Variants in DNMBP observed in about 807,000 individuals in gnomAD.
DNMBP encodes dynamin binding protein.
DNMBP carries 87 observed loss-of-function variants against 150.0 expected under a neutral mutation model. The ratio of observed to expected loss-of-function variants is 0.58; its 90% CI spans 0.49 to 0.69. The LOEUF is 0.69. DNMBP is among the 30% of genes least tolerant of loss of function. The pLI is 0.00. For synonymous variants in DNMBP, 711 were observed against 750.4 expected, an observed-to-expected ratio of 0.95 and a Z score of 0.86; for missense variants, 1,774 against 1,949.0, an observed-to-expected ratio of 0.91 and a Z score of 1.69.
intron 4 of DNMBP, among the ~76,000 whole-genome samples, chr10:99,927,457 C>T (rs1250049997): frequency 6.6e-6 from 1 of 152,076 alleles, no homozygotes; most frequent in Non-Finnish European, 1.5e-5. Flanking sequence ...ATTGAGAATC[C>T]GAAGCTCCAA....
chr10:99,920,943 G>A (rs1482490961), intron 4 of DNMBP, among the ~76,000 whole-genome samples: 1 of 152,124 alleles, frequency 6.6e-6, no homozygotes, highest in African/African-American at 2.4e-5. Flanking sequence ...GCCTCCCAAA[G>A]TGCTAGGATT....
chr10:99,918,700 G>A (rs1272171644), intron 4 of DNMBP, among the ~76,000 whole-genome samples: 1 of 151,664 alleles, frequency 6.6e-6, no homozygotes, highest in East Asian at 1.9e-4. Flanking sequence ...CCGAGTAGCT[G>A]GGATTACAGG....
chr10:99,974,342 C>T (rs1240292611), intron 1 of DNMBP, among the ~76,000 whole-genome samples: 4 of 152,078 alleles, frequency 2.6e-5, no homozygotes, highest in Non-Finnish European at 5.9e-5. Context: ...ATGCATGTGG[C>T]TGGGGAACCT....
chr10:99,923,675 T>C (rs900089398), intron 4 of DNMBP, among the ~76,000 whole-genome samples: 9 of 152,140 alleles, frequency 5.9e-5, no homozygotes, highest in Non-Finnish European at 1.2e-4. Context: ...TCTAGTTCTT[T>C]CCTCCACTGT....
Position 99,876,852 on chromosome 10 carries a change from G to T in DNMBP, c.*299C>A. 1 of 290,108 alleles carries T rather than the reference G, an allele frequency of 3.4e-6. No homozygotes were observed. The highest frequency in any genetic ancestry group is 7.1e-5 in the East Asian group (1 of 14,146). The allele number at this position is 290,108 out of a possible 1,614,324, so 18.0% of individuals were successfully genotyped here. On this transcript the variant is annotated 3_prime_UTR_variant, in exon 17 of 17. Transcript: ENST00000324109. ...GCTTCCTGCATACATAGGACACTGG[G>T]CTTCTGACTGCAAGTTTCTCCTTTC... is the stretch of plus-strand genomic sequence containing the variant.
chr10:100,007,383 A>C (rs7088642), intron 1 of DNMBP, among the ~76,000 whole-genome samples: 27,442 of 152,010 alleles, frequency 0.18, 3,424 homozygotes, highest in African/African-American at 0.34. Context: ...AAGTGCTACC[A>C]CGACCCCGGC....
At chr10:99,995,215 G>A (rs372660529) in intron 1 of DNMBP, among the ~76,000 whole-genome samples, 2 of 152,042 alleles carry the variant, frequency 1.3e-5, no homozygotes, top group African/African-American at 4.8e-5. Context: ...ATCACGCTCA[G>A]CTAATTTTTG....
At chr10:99,890,392 T>A (rs1215040005) in intron 11 of DNMBP, among the ~76,000 whole-genome samples, 1 of 152,234 alleles carries the variant, frequency 6.6e-6, no homozygotes, top group East Asian at 1.9e-4. Flanking sequence ...TTTCTCTCAA[T>A]TTCTGTCAGC....
Position 99,969,145 on chromosome 10 carries a change from G to A in DNMBP, c.238C>T (p.Gln80Ter), listed in dbSNP as rs763031370. 6.2e-7 allele frequency: 1 copy of A among 1,614,018 alleles called. No homozygotes were observed. The highest frequency in any genetic ancestry group is 1.1e-5 in the South Asian group (1 of 91,076). The change falls in exon 3 of 17, where the codon CAA becomes TAA. Residue 80 changes from glutamine to a stop codon, truncating the protein, a stop_gained. Coordinates refer to ENST00000324109, the MANE Select transcript of DNMBP (RefSeq NM_015221.4). LOFTEE classifies it high-confidence loss of function. ...LFVCICEFTS[Q>*]ELDNLPLHRG... is the part of the protein sequence containing the mutation. ...TGGAGGGGAAGATTATCCAACTCTT[G>A]GGATGTGAATTCACAAATGCACACA...
intron 9 of DNMBP, among the ~76,000 whole-genome samples, chr10:99,896,671 T>C (rs1308860620): frequency 3.3e-5 from 5 of 152,216 alleles, no homozygotes; most frequent in African/African-American, 1.2e-4. Context: ...TGCCTGGGTC[T>C]GCCACTTAAG....
chr10:99,883,165 CT>C (rs1330159500), intron 15 of DNMBP, among the ~76,000 whole-genome samples: 1 of 55,960 alleles, frequency 1.8e-5, no homozygotes, highest in Non-Finnish European at 4.0e-5. Flanking sequence ...GTTTTTAGAG[CT>C]TTTTGGATTT....
chr10:99,995,348 A>G (rs1172393954), intron 1 of DNMBP, among the ~76,000 whole-genome samples: 1 of 152,040 alleles, frequency 6.6e-6, no homozygotes, highest in Non-Finnish European at 1.5e-5. Context: ...GCACCTGGCA[A>G]AAACAGAAAT....
intron 1 of DNMBP, among the ~76,000 whole-genome samples, chr10:100,006,146 G>A (rs2041068873): frequency 6.6e-6 from 1 of 152,208 alleles, no homozygotes; most frequent in Admixed American, 6.5e-5. Context: ...TCAGGGATCA[G>A]CAAAGTACAA....
intron 4 of DNMBP, among the ~76,000 whole-genome samples, chr10:99,914,629 G>A (rs939210705): frequency 6.6e-6 from 1 of 152,064 alleles, no homozygotes; most frequent in Admixed American, 6.6e-5. Flanking sequence ...TGGGAGTCCC[G>A]CTCACATCTT....
chr10:99,979,140 T>C (rs2040758579), intron 1 of DNMBP, among the ~76,000 whole-genome samples: 1 of 152,192 alleles, frequency 6.6e-6, no homozygotes, highest in South Asian at 2.1e-4. Flanking sequence ...CTATGCAAAC[T>C]AAAAATCTGG....
At chr10:99,991,569 T>A (rs2040891670) in intron 1 of DNMBP, among the ~76,000 whole-genome samples, 1 of 151,528 alleles carries the variant, frequency 6.6e-6, no homozygotes, top group Non-Finnish European at 1.5e-5. Flanking sequence ...TTCAAGGTCT[T>A]CATATCATTT....
chr10:99,891,234 GCC>G (rs1173193518), intron 11 of DNMBP, among the ~76,000 whole-genome samples: 1 of 139,822 alleles, frequency 7.2e-6, no homozygotes, highest in Non-Finnish European at 1.5e-5. Flanking sequence ...CTCATGCGGA[GCC>G]AAAGCTGGAC....
At position 99,884,027 on chromosome 10, in the gene DNMBP, C is replaced by G; in HGVS notation, c.3981G>C (p.Trp1327Cys). 4 of 1,614,000 alleles carry G rather than the reference C, an allele frequency of 2.5e-6. No homozygotes were observed. Among genetic ancestry groups the G allele is most frequent in the Non-Finnish European group, 3.4e-6 (4 of 1,180,002 alleles). Residue 1327 changes from tryptophan (W) to cysteine (C), a missense_variant, in exon 15 of 17, where the codon TGG (tryptophan) becomes TGC (cysteine). Around this residue, in one of 2 missense-constraint regions of DNMBP, gnomAD observed 1,430 missense variants for 1,492.5 expected, o/e 0.96. Coordinates refer to ENST00000324109, the MANE Select transcript of DNMBP (RefSeq NM_015221.4). ...KKDPMGSQNR[W>C]LIDNGVTKGF... ...AATTCTTACCTCCATTGTCAATCAG[C>G]CAGCGGTTCTGGCTGCCCATGGGGT...
chr10:99,943,079 G>A (rs774847554), intron 4 of DNMBP, among the ~76,000 whole-genome samples: 18 of 152,142 alleles, frequency 1.2e-4, no homozygotes, highest in Admixed American at 3.9e-4. Flanking sequence ...GAGGTCAGGC[G>A]TTCGAGACTA....
Sources: gnomAD v4.1 joint callset for allele counts (sites outside exome capture counted in the v4.1 genomes callset) on GRCh38, gnomAD v4.1.1 for gene constraint, gnomAD v4.1.1 regional missense constraint, MANE v1.5 for transcripts, NCBI Gene and HGNC (gene_info 2026-07-23, HGNC 2026-07-21) for gene names.